The following KHDRBS3 variants were observed in gnomAD, a reference collection of about 807,000 sequenced individuals.
KHDRBS3 encodes KH domain-containing, RNA-binding, signal transduction-associated protein 3.
In KHDRBS3, 23 loss-of-function variants were observed where a neutral mutation model predicts 45.6. That is an observed-to-expected ratio of 0.50 (90% CI 0.36 to 0.72). The LOEUF is 0.72. KHDRBS3 is among the 30% of genes least tolerant of loss of function. The pLI is 0.00. For missense variants in KHDRBS3, 352 were observed against 424.8 expected (o/e 0.83, Z 1.51); for synonymous variants, 162 against 156.5 (o/e 1.04, Z -0.26).
At chr8:135,491,683 G>T (rs879594924) in intron 1 of KHDRBS3, among the ~76,000 whole-genome samples, 5 of 152,176 alleles carry the variant, frequency 3.3e-5, no homozygotes, top group Admixed American at 1.3e-4. Flanking sequence ...GGTTCTCAGT[G>T]TGTCATTCAG....
intron 5 of KHDRBS3, among the ~76,000 whole-genome samples, chr8:135,572,187 GA>G (rs1267001928): frequency 6.6e-6 from 1 of 152,074 alleles, no homozygotes; most frequent in Non-Finnish European, 1.5e-5. Flanking sequence ...TTAAATGAAG[GA>G]AAAAAGTAAA....
chr8:135,645,768 G>A (rs568986798), intron 8 of KHDRBS3, among the ~76,000 whole-genome samples: 1 of 152,330 alleles, frequency 6.6e-6, no homozygotes, highest in African/African-American at 2.4e-5. Flanking sequence ...ATGGTAGTAA[G>A]AAGAGCCCTT....
intron 1 of KHDRBS3, among the ~76,000 whole-genome samples, chr8:135,506,170 T>G (rs1823986438): frequency 6.6e-6 from 1 of 152,180 alleles, no homozygotes. Flanking sequence ...TGCTTTTTCA[T>G]GAAGAATATC....
chr8:135,586,354 C>A (rs1198505185), intron 6 of KHDRBS3, among the ~76,000 whole-genome samples: 4 of 152,088 alleles, frequency 2.6e-5, no homozygotes, highest in Admixed American at 1.3e-4. Flanking sequence ...GTTCCACTAG[C>A]CGAGGTTATA....
intron 5 of KHDRBS3, among the ~76,000 whole-genome samples, chr8:135,566,663 T>C (rs922255145): frequency 6.6e-5 from 10 of 152,090 alleles, no homozygotes; most frequent in African/African-American, 2.2e-4. Flanking sequence ...GTGACCAGCA[T>C]GGGCTGTATA....
chr8:135,473,867 C>A (rs560157167), intron 1 of KHDRBS3, among the ~76,000 whole-genome samples: 31 of 152,308 alleles, frequency 2.0e-4, no homozygotes, highest in African/African-American at 7.5e-4. Flanking sequence ...GAAGCCCCAC[C>A]TTCTAGCACT....
At chr8:135,652,582 A>G (rs546799083), downstream of KHDRBS3, among the ~76,000 whole-genome samples, 2 of 152,230 alleles carry the variant, frequency 1.3e-5, no homozygotes, top group East Asian at 3.9e-4. Context: ...ACAGTTCCGT[A>G]CCCCACTCAA....
chr8:135,494,184 A>T (rs1257952414), intron 1 of KHDRBS3, among the ~76,000 whole-genome samples: 1 of 151,662 alleles, frequency 6.6e-6, no homozygotes, highest in African/African-American at 2.4e-5. Context: ...CCAAAGTATC[A>T]ACTTTTGGTT....
chr8:135,503,963 AGTTT>A (rs1277863184), intron 1 of KHDRBS3, among the ~76,000 whole-genome samples: 1 of 152,038 alleles, frequency 6.6e-6, no homozygotes, highest in Non-Finnish European at 1.5e-5. Context: ...AGTAAGTTAG[AGTTT>A]GTTATGTGTG....
chr8:135,564,217 T>C (rs1264833994), intron 5 of KHDRBS3, among the ~76,000 whole-genome samples: 1 of 152,232 alleles, frequency 6.6e-6, no homozygotes, highest in African/African-American at 2.4e-5. Flanking sequence ...TGTCACATCT[T>C]TGTGACGCTG....
chr8:135,647,746 T>G (rs1033807249), downstream of KHDRBS3: 3 of 152,250 alleles, frequency 2.0e-5, no homozygotes, highest in African/African-American at 7.2e-5. Context: ...GTACAACTTA[T>G]TTTAAAAATG....
chr8:135,522,079 A>G (rs1210583490), intron 2 of KHDRBS3, among the ~76,000 whole-genome samples: 1 of 151,886 alleles, frequency 6.6e-6, no homozygotes, highest in East Asian at 1.9e-4. Flanking sequence ...TGCATTAGCT[A>G]TTTATCCTGA....
chr8:135,590,292 G>A (rs1433351063), intron 6 of KHDRBS3, among the ~76,000 whole-genome samples: 1 of 152,192 alleles, frequency 6.6e-6, no homozygotes, highest in Non-Finnish European at 1.5e-5. Context: ...TGTCCTATAT[G>A]TGGTCCATAG....
At chr8:135,615,952 TTTGATGCC>T (rs993618810) in intron 7 of KHDRBS3, among the ~76,000 whole-genome samples, 3 of 152,196 alleles carry the variant, frequency 2.0e-5, no homozygotes, top group Non-Finnish European at 4.4e-5. Flanking sequence ...TCCTACCAAA[TTTGATGCC>T]TTGATTTTAT....
chr8:135,480,480 T>C (rs1216306587), intron 1 of KHDRBS3, among the ~76,000 whole-genome samples: 1 of 152,184 alleles, frequency 6.6e-6, no homozygotes, highest in East Asian at 1.9e-4. Flanking sequence ...TTTCTTCTGA[T>C]AATAAATGTA....
At chr8:135,562,147 T>C (rs1827200117) in intron 5 of KHDRBS3, among the ~76,000 whole-genome samples, 1 of 152,120 alleles carries the variant, frequency 6.6e-6, no homozygotes, top group South Asian at 2.1e-4. Context: ...TGTCACTCAC[T>C]CAGTCACTCA....
At chr8:135,553,510 A>G (rs1826719809) in intron 4 of KHDRBS3, among the ~76,000 whole-genome samples, 1 of 152,168 alleles carries the variant, frequency 6.6e-6, no homozygotes, top group Non-Finnish European at 1.5e-5. Flanking sequence ...ATTTTATTAT[A>G]TGCATGTTCC....
chr8:135,458,702 C>G, intron 1 of KHDRBS3: 1 of 369,764 alleles, frequency 2.7e-6, no homozygotes, highest in South Asian at 2.0e-5. Context: ...GGTTGGGTGA[C>G]CCTCATTGGT....
chr8:135,512,848 A>T (rs1256310993), intron 1 of KHDRBS3, among the ~76,000 whole-genome samples: 2 of 152,220 alleles, frequency 1.3e-5, no homozygotes, highest in Non-Finnish European at 2.9e-5. Flanking sequence ...CAAGTTTTAT[A>T]CAGCAAAACA....
Sources: gnomAD v4.1 joint callset for allele counts (sites outside exome capture counted in the v4.1 genomes callset) on GRCh38, gnomAD v4.1.1 for gene constraint, MANE v1.5 for transcripts, NCBI Gene and HGNC (gene_info 2026-07-23, HGNC 2026-07-21) for gene names.